SLC4A10: variants seen among roughly 807,000 people sequenced by gnomAD.
SLC4A10 encodes the protein solute carrier family 4 member 10, also known as sodium-driven chloride bicarbonate exchanger.
In SLC4A10, 42 loss-of-function variants were observed where a neutral mutation model predicts 137.7. The observed-to-expected ratio is 0.30, with a 90% confidence interval of 0.24 to 0.39. The LOEUF (loss-of-function observed/expected upper bound fraction) is 0.39. Among genes scored for constraint, SLC4A10 ranks in the 10% least tolerant of loss-of-function variants. The pLI is 1.00. For synonymous variants in SLC4A10, 474 were observed against 464.1 expected (o/e 1.02, Z -0.27); for missense variants, 925 against 1,355.0 (o/e 0.68, Z 4.98).
chr2:161,945,185 T>TGC (rs1358425960), intron 16 of SLC4A10, among the ~76,000 whole-genome samples: 3 of 1,390 alleles, frequency 2.2e-3, no homozygotes, highest in African/African-American at 5.5e-3. Flanking sequence ...TTTGTGTGTA[T>TGC]ATATATATAT....
intron 1 of SLC4A10, among the ~76,000 whole-genome samples, chr2:161,658,490 C>T: frequency 6.6e-6 from 1 of 151,836 alleles, no homozygotes; most frequent in Non-Finnish European, 1.5e-5. Context: ...GATTTGCACA[C>T]AGTATGGTGA....
chr2:161,682,863 T>G (rs970728119), intron 1 of SLC4A10, among the ~76,000 whole-genome samples: 3 of 152,076 alleles, frequency 2.0e-5, no homozygotes, highest in African/African-American at 7.2e-5. Context: ...AGTACAAAAG[T>G]CATAGCTGCT....
Position 161,894,768 on chromosome 2 carries a change from T to G in SLC4A10, c.1284T>G (p.Pro428=). The G allele has an allele frequency of 1.4e-6, 2 of 1,427,056 alleles. No individual in the cohort carries two copies. The highest frequency in any genetic ancestry group is 1.9e-6 in the Non-Finnish European group (2 of 1,079,684). The allele number at this position is 1,427,056 out of a possible 1,614,324, so 88.4% of individuals were successfully genotyped here. Residue 428 remains proline (P), a synonymous_variant, in exon 11 of 27, where the codon CCT becomes CCG. Transcript: ENST00000446997. ...DEFLDQVTVL[P]PGEWDPSIRI... ...TTCTGGATCAGGTTACTGTTCTCCC[T>G]CCTGGAGAATGGGATCCAAGCATTC...
intron 1 of SLC4A10, among the ~76,000 whole-genome samples, chr2:161,636,204 C>G (rs1273536564): frequency 1.3e-5 from 2 of 151,956 alleles, no homozygotes; most frequent in African/African-American, 4.8e-5. Context: ...TTTCTGTGAA[C>G]TTTTTGAAGA....
rs2059151050 is a variant in SLC4A10, at chr2:161,841,088, A to G, written c.416+1161A>G. ...TTAGTGTTTATTTATTTATTTATTT[A>G]TTTGTCTGAGACAGAGTCTCACTCT... On this transcript the variant is annotated intron_variant, in intron 4 of 26. Transcript: ENST00000446997. Among the ~76,000 whole-genome samples the G allele has an allele frequency of 2.0e-5, 3 of 151,826 alleles. No individual in the cohort carries two copies. The South Asian group carries it at 6.2e-4, about 32-fold the overall frequency.
chr2:161,741,579 T>C (rs1313645712), intron 1 of SLC4A10, among the ~76,000 whole-genome samples: 1 of 152,188 alleles, frequency 6.6e-6, no homozygotes, highest in Admixed American at 6.6e-5. Context: ...AGTGTAAAAA[T>C]GCAGTATTTT....
intron 8 of SLC4A10, among the ~76,000 whole-genome samples, chr2:161,875,658 A>G (rs1199549174): frequency 2.0e-5 from 3 of 152,194 alleles, no homozygotes; most frequent in Admixed American, 2.0e-4. Context: ...GTTTTCTTTT[A>G]CTTCAAATGA....
intron 8 of SLC4A10, among the ~76,000 whole-genome samples, chr2:161,878,063 T>A (rs2061543889): frequency 6.6e-6 from 1 of 152,124 alleles, no homozygotes; most frequent in African/African-American, 2.4e-5. Context: ...CATTTTAAAT[T>A]TTTGAGAAAA....
At chr2:161,780,243 G>A (rs1038290182) in intron 2 of SLC4A10, among the ~76,000 whole-genome samples, 2 of 151,988 alleles carry the variant, frequency 1.3e-5, no homozygotes, top group African/African-American at 2.4e-5. Context: ...TAAAAGAATA[G>A]AATATATCTC....
At chr2:161,726,914 G>T (rs1165446615) in intron 1 of SLC4A10, among the ~76,000 whole-genome samples, 1 of 152,092 alleles carries the variant, frequency 6.6e-6, no homozygotes, top group Admixed American at 6.6e-5. Context: ...GTCTCAAAAA[G>T]CAAACAAACA....
chr2:161,880,116 G>A (rs2061675994), intron 9 of SLC4A10, among the ~76,000 whole-genome samples: 1 of 152,088 alleles, frequency 6.6e-6, no homozygotes, highest in African/African-American at 2.4e-5. Flanking sequence ...ATTCCAAAAT[G>A]CAGATAGCCT....
chr2:161,884,975 C>A (rs186999753), intron 10 of SLC4A10, among the ~76,000 whole-genome samples: 4 of 152,116 alleles, frequency 2.6e-5, no homozygotes, highest in African/African-American at 9.6e-5. Flanking sequence ...GTCAGGAGTT[C>A]GAGATCAGCC....
chr2:161,836,548 GAAAGAA>G lies in SLC4A10; in HGVS notation c.278-3239_278-3234del, dbSNP rs777236792. Among the ~76,000 whole-genome samples the G allele has an allele frequency of 4.3e-3, 287 of 66,684 alleles. 8 individuals carry two copies. The highest frequency in any genetic ancestry group is 0.014 in the African/African-American group (237 of 17,330). 43.7% of individuals were successfully genotyped at this position (66,684 alleles called of 152,430 possible). On this transcript the variant is annotated intron_variant, in intron 3 of 26. Transcript: ENST00000446997. ...AGAGAGAGAGAAAGAAAGAAAGAAA[GAAAGAA>G]AGAAAGAAAGAAAGAAAGAAAGAAA...
intron 15 of SLC4A10, among the ~76,000 whole-genome samples, chr2:161,919,130 T>G (rs1472578994): frequency 6.6e-6 from 1 of 152,190 alleles, no homozygotes; most frequent in Non-Finnish European, 1.5e-5. Context: ...CTTGGGGTAG[T>G]AATGACACAC....
chr2:161,778,642 C>T (rs968695479), intron 2 of SLC4A10, among the ~76,000 whole-genome samples: 4 of 151,802 alleles, frequency 2.6e-5, no homozygotes, highest in Admixed American at 6.6e-5. Context: ...TTTCTAATGA[C>T]ATGCATATAC....
chr2:161,718,555 C>T (rs2045226266), intron 1 of SLC4A10, among the ~76,000 whole-genome samples: 1 of 152,084 alleles, frequency 6.6e-6, no homozygotes, highest in African/African-American at 2.4e-5. Flanking sequence ...TTATTTTATT[C>T]ACCCAGAAGT....
intron 3 of SLC4A10, among the ~76,000 whole-genome samples, chr2:161,829,021 G>C (rs1383734359): frequency 6.6e-6 from 1 of 150,848 alleles, no homozygotes; most frequent in Non-Finnish European, 1.5e-5. Flanking sequence ...TTTTGTCTCA[G>C]TAATCCTGGA....
intron 1 of SLC4A10, among the ~76,000 whole-genome samples, chr2:161,681,520 A>G (rs1167654038): frequency 6.6e-6 from 1 of 152,138 alleles, no homozygotes; most frequent in Non-Finnish European, 1.5e-5. Flanking sequence ...GTTCCAAAAC[A>G]TGGATAACTT....
chr2:161,879,189 T>A lies in SLC4A10; in HGVS notation c.1007T>A (p.Val336Glu). The change falls in exon 9 of 27, where the codon GTG becomes GAG. Residue 336 changes from valine to glutamate, a missense_variant. Val to Glu is a moderately radical substitution (Grantham distance 121, BLOSUM62 -2). Around this residue, in one of 11 missense-constraint regions of SLC4A10, gnomAD observed 277 missense variants for 306.1 expected, o/e 0.90. Transcript: ENST00000446997. ...PPGAEASNIL[V>E]GELEFLDRTV... ...GGTGCTGAAGCATCGAACATCTTAG[T>A]GGGAGAACTGGAGTTCTTGGATCGA... 6.2e-7 allele frequency: 1 copy of A among 1,613,584 alleles called. No homozygotes were observed. Among genetic ancestry groups the A allele is most frequent in the Non-Finnish European group, 8.5e-7 (1 of 1,179,638 alleles).
Sources: gnomAD v4.1 joint callset for allele counts (sites outside exome capture counted in the v4.1 genomes callset) on GRCh38, gnomAD v4.1.1 for gene constraint, gnomAD v4.1.1 regional missense constraint, MANE v1.5 for transcripts, NCBI Gene and HGNC (gene_info 2026-07-23, HGNC 2026-07-21) for gene names.